LCOR: variants seen among roughly 807,000 people sequenced by gnomAD.
LCOR encodes ligand-dependent corepressor.
LCOR carries 14 observed loss-of-function variants against 64.4 expected under a neutral mutation model. That is an observed-to-expected ratio of 0.22 (90% CI 0.14 to 0.34). The LOEUF is 0.34. Among genes scored for constraint, LCOR ranks in the 10% least tolerant of loss-of-function variants. LCOR has a pLI of 1.00. For synonymous variants in LCOR, 643 were observed against 642.5 expected, an observed-to-expected ratio of 1.00 and a Z score of -0.01; for missense variants, 1,686 against 1,765.3, an observed-to-expected ratio of 0.96 and a Z score of 0.80.
chr10:96,946,867 G>C (rs1847598184), intron 5 of LCOR, among the ~76,000 whole-genome samples: 2 of 152,004 alleles, frequency 1.3e-5, no homozygotes, highest in Non-Finnish European at 2.9e-5. Context: ...CTTAAACACA[G>C]AGGCATCGCA....
Position 96,982,401 on chromosome 10 carries a change from T to C in LCOR, c.1941T>C (p.Pro647=). 1.2e-6 allele frequency: 2 copies of C among 1,614,230 alleles called. No individual in the cohort carries two copies. The highest frequency in any genetic ancestry group is 1.7e-6 in the Non-Finnish European group (2 of 1,180,030). Residue 647 remains proline, a synonymous_variant, in exon 8 of 8, where the codon CCT becomes CCC. Coordinates refer to ENST00000421806, the MANE Select transcript of LCOR (RefSeq NM_001346516.2). ...CCACAGCAAGTGGGATGTCTTCTCC[T>C]GAACACAACCAACCACCAGTTGCAC... ...SAPTASGMSS[P]EHNQPPVALL...
chr10:96,924,486 C>A (rs564154828), intron 4 of LCOR, among the ~76,000 whole-genome samples: 1 of 152,132 alleles, frequency 6.6e-6, no homozygotes, highest in South Asian at 2.1e-4. Flanking sequence ...AAGTGATCCA[C>A]CCGCCTCAGC....
In LCOR at chr10:96,887,407, C is replaced by T. The variant is rs547755335; in HGVS notation, c.-329-19858C>T. Among the ~76,000 whole-genome samples the T allele has an allele frequency of 3.3e-5, 5 of 151,876 alleles. No homozygotes were observed. The South Asian group carries it at 1.0e-3, about 32-fold the overall frequency. ...TGAAACCCCGTCTCTACTAAAAATA[C>T]AAAAAATTAGCCGGGCGTCGTGGCG... is the stretch of plus-strand genomic sequence containing the variant. On this transcript the variant is annotated intron_variant, in intron 2 of 7. Transcript: ENST00000421806.
At chr10:96,915,767 G>GC in intron 4 of LCOR, 1 of 625,776 alleles carries the variant, frequency 1.6e-6, no homozygotes, top group South Asian at 1.4e-5. Context: ...TCCCTCCTTT[G>GC]CAGGGCCCTT....
At chr10:96,934,093 C>T (rs981042323) in intron 4 of LCOR, among the ~76,000 whole-genome samples, 7 of 152,170 alleles carry the variant, frequency 4.6e-5, no homozygotes, top group African/African-American at 1.4e-4. Context: ...AATACAACAA[C>T]TCTTATTTAA....
chr10:96,882,558 CATTTATTATAGTT>C (rs377562909), intron 2 of LCOR, among the ~76,000 whole-genome samples: 11 of 152,266 alleles, frequency 7.2e-5, no homozygotes, highest in African/African-American at 2.4e-4. Flanking sequence ...TACAGTGGTA[CATTTATTATAGTT>C]GATGAACCTA....
chr10:96,932,742 A>G (rs148212709), intron 4 of LCOR, among the ~76,000 whole-genome samples: 7,804 of 152,224 alleles, frequency 0.051, 679 homozygotes, highest in African/African-American at 0.18. Context: ...GATTACAGGC[A>G]TGAGCCACCA....
At chr10:96,923,417 A>G (rs368779804) in intron 4 of LCOR, among the ~76,000 whole-genome samples, 2 of 152,192 alleles carry the variant, frequency 1.3e-5, no homozygotes. Context: ...TTAAAATGTC[A>G]TCCTATTGTC....
intron 5 of LCOR, among the ~76,000 whole-genome samples, chr10:96,946,645 A>C (rs1847594397): frequency 6.6e-6 from 1 of 152,094 alleles, no homozygotes; most frequent in African/African-American, 2.4e-5. Flanking sequence ...TAAGTATGTC[A>C]AAGAATGAAA....
In LCOR at chr10:96,982,614, G is replaced by A. The variant is rs768753233; in HGVS notation, c.2154G>A (p.Met718Ile). 5.0e-6 allele frequency: 8 copies of A among 1,614,186 alleles called. No individual in the cohort carries two copies. The highest frequency in any genetic ancestry group is 4.5e-5 in the East Asian group (2 of 44,888). ...CCCCAATGGGCTTGGAGCCCCCCAT[G>A]AGTCTGGGAAAGGCTGAGGACAACC... The part of the protein sequence containing the change: ...QSSPMGLEPP[M>I]SLGKAEDNQS... Residue 718 changes from methionine to isoleucine, a missense_variant, in exon 8 of 8, where the codon ATG (methionine) becomes ATA (isoleucine). Coordinates refer to ENST00000421806, the MANE Select transcript of LCOR (RefSeq NM_001346516.2).
intron 7 of LCOR, chr10:96,961,368 T>G (rs1589685146): frequency 6.6e-6 from 1 of 152,094 alleles, no homozygotes; most frequent in South Asian, 2.1e-4. Flanking sequence ...ATTATTATAA[T>G]ATTTAATCTC....
rs1848212459 is a variant in LCOR at position 96,992,827 on chromosome 10, G to A, written c.*7693G>A. The stretch of plus-strand genomic sequence containing the variant: ...GTATTTCCAGTTCCCCTTTCATGTT[G>A]GTGAAAGACACCTATTCACACTCTA... On this transcript the variant is annotated 3_prime_UTR_variant, in exon 8 of 8. Transcript: ENST00000421806. The A allele has an allele frequency of 1.3e-5, 2 of 152,146 alleles. No individual in the cohort carries two copies. Among genetic ancestry groups the A allele is most frequent in the African/African-American group, 2.4e-5 (1 of 41,418 alleles). 9.4% of individuals were successfully genotyped at this position (152,146 alleles called of 1,614,324 possible).
intron 4 of LCOR, among the ~76,000 whole-genome samples, chr10:96,930,254 T>TA (rs760730063): frequency 6.6e-6 from 1 of 152,196 alleles, no homozygotes; most frequent in Non-Finnish European, 1.5e-5. Flanking sequence ...TGTCTGTCCT[T>TA]ACACCAGTAC....
At chr10:96,976,003 G>A (rs1382720676) in intron 7 of LCOR, among the ~76,000 whole-genome samples, 6 of 152,174 alleles carry the variant, frequency 3.9e-5, no homozygotes, top group East Asian at 3.9e-4. Context: ...CAACAACAGC[G>A]AAACACACAA....
chr10:96,890,462 TGAAA>T (rs1476916010), intron 2 of LCOR, among the ~76,000 whole-genome samples: 6 of 152,244 alleles, frequency 3.9e-5, no homozygotes, highest in Non-Finnish European at 8.8e-5. Context: ...GGTGGTGTTT[TGAAA>T]GATTCTTTAG....
intron 4 of LCOR, among the ~76,000 whole-genome samples, chr10:96,939,568 G>A (rs1303016804): frequency 6.6e-6 from 1 of 151,962 alleles, no homozygotes; most frequent in African/African-American, 2.4e-5. Flanking sequence ...AAGAATGGGA[G>A]AAAATATTTG....
rs1371771053 is a variant in LCOR at position 96,989,695 on chromosome 10, A to ATATATTTTTT, written c.*4562_*4563insATATTTTTTT. Reference sequence around the variant, plus strand: ...TAAGGATATATATATATATATATATATTTTTTTTTTTTTTTTTTTTTTTTA... The same window carrying ATATATTTTTT: ...TAAGGATATATATATATATATATATATATATTTTTTTTTTTTTTTTTTTTTTTTTTTTTTA... On this transcript the variant is annotated 3_prime_UTR_variant, in exon 8 of 8. Coordinates refer to ENST00000421806, the MANE Select transcript of LCOR (RefSeq NM_001346516.2). The ATATATTTTTT allele has an allele frequency of 1.2e-5, 1 of 86,160 alleles. No homozygotes were observed. Among genetic ancestry groups the ATATATTTTTT allele is most frequent in the African/African-American group, 6.2e-5 (1 of 16,170 alleles). The allele number at this position is 86,160 out of a possible 1,614,324, so 5.3% of individuals were successfully genotyped here. A position where few individuals can be genotyped will look rare whatever the true frequency, so the allele number is the denominator to read the frequency against.
chr10:96,934,036 G>A (rs1337774565), intron 4 of LCOR, among the ~76,000 whole-genome samples: 1 of 152,136 alleles, frequency 6.6e-6, no homozygotes, highest in Non-Finnish European at 1.5e-5. Flanking sequence ...AAAAAGTTGT[G>A]ATGTTCACCT....
intron 7 of LCOR, among the ~76,000 whole-genome samples, chr10:96,970,624 ATTTATTTTATTTTAT>A (rs1554841763): frequency 7.7e-6 from 1 of 129,288 alleles, no homozygotes; most frequent in Non-Finnish European, 1.7e-5. Context: ...ATTTTATTTT[ATTTATTTTATTTTAT>A]TTTATTTTAT....
Sources: allele counts gnomAD v4.1 joint callset (sites outside exome capture counted in the v4.1 genomes callset), GRCh38; gene constraint gnomAD v4.1.1; transcripts MANE v1.5; gene names NCBI Gene and HGNC (gene_info 2026-07-23, HGNC 2026-07-21).